OSMR: variants seen among roughly 807,000 people sequenced by gnomAD.
OSMR encodes the protein oncostatin-M-specific receptor subunit beta.
A neutral mutation model predicts 99.9 loss-of-function variants in OSMR; 81 were observed. That is an observed-to-expected ratio of 0.81 (90% confidence interval 0.68 to 0.97). The LOEUF (loss-of-function observed/expected upper bound fraction) is 0.97, where lower values mean the gene tolerates loss of function less well. Ranked by LOEUF, OSMR falls within the 50% of genes least tolerant of loss-of-function variation. The probability of loss-of-function intolerance (pLI) is 0.00; values close to 1 mark genes in which losing one functional copy is unlikely to be tolerated. For synonymous variants in OSMR, 406 were observed against 410.4 expected, an observed-to-expected ratio of 0.99 and a Z score of 0.13; for missense variants, 1,099 against 1,153.4, an observed-to-expected ratio of 0.95 and a Z score of 0.68.
chr5:38,885,829 T>C, intron 6 of OSMR: 1 of 963,794 alleles, frequency 1.0e-6, no homozygotes, highest in Non-Finnish European at 1.2e-6. Context: ...GGGGAGTCAG[T>C]GATTCATGTT....
chr5:38,901,379 G>A (rs1016725596), intron 7 of OSMR, among the ~76,000 whole-genome samples: 1 of 152,228 alleles, frequency 6.6e-6, no homozygotes, highest in Non-Finnish European at 1.5e-5. Flanking sequence ...TGGGATCTGG[G>A]TGGACATGAT....
Position 38,923,122 on chromosome 5 carries a change from T to G in OSMR, c.1766-28T>G, listed in dbSNP as rs200396199. 16 of 1,612,330 alleles carry G rather than the reference T, an allele frequency of 9.9e-6. No homozygotes were observed. The East Asian group carries it at 3.6e-4, about 36-fold the overall frequency. On this transcript the variant is annotated intron_variant, in intron 12 of 17. Transcript: ENST00000274276. ...GAATTAGGAAACATCATTCTGTTATTAAAAATCTGTTGACTTTTTTTCCCT... is the reference window on the plus strand; with the variant it reads ...GAATTAGGAAACATCATTCTGTTATGAAAAATCTGTTGACTTTTTTTCCCT...
intron 9 of OSMR, among the ~76,000 whole-genome samples, chr5:38,908,921 C>T (rs1463908488): frequency 6.6e-6 from 1 of 152,158 alleles, no homozygotes; most frequent in Non-Finnish European, 1.5e-5. Context: ...TGGTTCTTAA[C>T]CTGTTCAAAA....
chr5:38,849,903 A>AT (rs1312134018), intron 1 of OSMR, among the ~76,000 whole-genome samples: 1 of 152,208 alleles, frequency 6.6e-6, no homozygotes, highest in African/African-American at 2.4e-5. Context: ...CAATTAATAA[A>AT]TGCATGTACG....
rs773235731 is a variant in OSMR, at chr5:38,934,326, G to A, written c.*882G>A. On this transcript the variant is annotated 3_prime_UTR_variant, in exon 18 of 18. Transcript: ENST00000274276. ...TTAGCATCCTTTGGACTCTGCAGTA[G>A]GTTGTCTGGGTCAAGATAACTCTCA... 4.6e-5 allele frequency: 7 copies of A among 152,444 alleles called. No individual in the cohort carries two copies. Among genetic ancestry groups the A allele is most frequent in the Non-Finnish European group, 7.3e-5 (5 of 68,036 alleles). The allele number at this position is 152,444 out of a possible 1,614,324, so 9.4% of individuals were successfully genotyped here.
chr5:38,881,698 G>A lies in OSMR; in HGVS notation c.352G>A (p.Val118Met), dbSNP rs1331058313. 1 of 1,614,088 alleles carries A rather than the reference G, an allele frequency of 6.2e-7. No homozygotes were observed. The highest frequency in any genetic ancestry group is 8.5e-7 in the Non-Finnish European group (1 of 1,180,038). The change falls in exon 4 of 18, where the codon GTG becomes ATG. Residue 118 changes from valine (V) to methionine (M), a missense_variant. Val to Met is a conservative substitution (Grantham distance 21). Transcript: ENST00000274276. ...ATHFVRIKSLVDDAKFPEPNF... is the reference protein window; with the variant it reads ...ATHFVRIKSLMDDAKFPEPNF... Reference sequence around the variant, plus strand: ...ACACTTTGTAAGAATAAAGAGTTTGGTGGACGATGCCAAGTTCCCTGAGCC... The same window carrying A: ...ACACTTTGTAAGAATAAAGAGTTTGATGGACGATGCCAAGTTCCCTGAGCC...
chr5:38,921,373 G>A, intron 11 of OSMR: 1 of 441,580 alleles, frequency 2.3e-6, no homozygotes, highest in Non-Finnish European at 3.0e-6. Flanking sequence ...GCTGAAGTCT[G>A]GTTGGGCTTC....
At chr5:38,909,374 G>A (rs1206684454) in intron 9 of OSMR, among the ~76,000 whole-genome samples, 5 of 152,132 alleles carry the variant, frequency 3.3e-5, no homozygotes, top group Admixed American at 2.6e-4. Context: ...GAGAACTCCT[G>A]TGAGGTACTA....
At chr5:38,886,349 A>T in intron 7 of OSMR, 159 bp downstream of exon 7, 1 of 1,461,492 alleles carries the variant, frequency 6.8e-7, no homozygotes, top group Non-Finnish European at 9.0e-7. Flanking sequence ...CTCCTCATGG[A>T]TGCACGCATC....
Position 38,881,578 on chromosome 5 carries a change from T to C in OSMR, c.247-15T>C. ...GATGGCTATGTGTCTCCAATTGTTT[T>C]CTCTTTGCTTTTAGGGGAATTACAG... On this transcript the variant is annotated splice_polypyrimidine_tract_variant and intron_variant, in intron 3 of 17. Coordinates refer to ENST00000274276, the MANE Select transcript of OSMR (RefSeq NM_003999.3). 1 of 1,614,202 alleles carries C rather than the reference T, an allele frequency of 6.2e-7. No homozygotes were observed. The highest frequency in any genetic ancestry group is 1.3e-5 in the African/African-American group (1 of 75,068).
intron 11 of OSMR, 46 bp downstream of exon 11, chr5:38,919,108 G>T: frequency 6.2e-7 from 1 of 1,601,754 alleles, no homozygotes; most frequent in Non-Finnish European, 8.5e-7. Context: ...CTAGGAAAAT[G>T]TTGATGACGT....
At chr5:38,863,071 G>A (rs568770270) in intron 1 of OSMR, among the ~76,000 whole-genome samples, 4 of 151,916 alleles carry the variant, frequency 2.6e-5, no homozygotes, top group South Asian at 2.1e-4. Flanking sequence ...GGCTGAGGCA[G>A]GAGAATCAGG....
intron 9 of OSMR, among the ~76,000 whole-genome samples, chr5:38,911,114 GAGATGCAAAAAACTATACAAA>G (rs1745548236): frequency 6.6e-6 from 1 of 152,092 alleles, no homozygotes; most frequent in Non-Finnish European, 1.5e-5. Flanking sequence ...GAAGGAAATT[GAGATGCAAAAAACTATACAAA>G]AGATCAACGA....
downstream of OSMR, chr5:38,940,130 T>TAAA (rs1554057737): frequency 1.5e-4 from 13 of 86,418 alleles, no homozygotes; most frequent in African/African-American, 6.9e-4. Context: ...AAAGTAACAG[T>TAAA]AAAAAAAAAA....
At chr5:38,846,585 A>C (rs1238393883) in intron 1 of OSMR, among the ~76,000 whole-genome samples, 198 bp downstream of exon 1, 1 of 150,764 alleles carries the variant, frequency 6.6e-6, no homozygotes, top group Non-Finnish European at 1.5e-5. Flanking sequence ...TGCTTCCCCT[A>C]CCTCTCCTCT....
Position 38,916,019 on chromosome 5 carries a change from G to A in OSMR, c.1286-1527G>A, listed in dbSNP as rs138608651. Among the ~76,000 whole-genome samples the A allele has an allele frequency of 4.2e-3, 639 of 152,096 alleles. 5 individuals are homozygous for A. Among genetic ancestry groups the A allele is most frequent in the African/African-American group, 0.015 (606 of 41,496 alleles). On this transcript the variant is annotated intron_variant, in intron 9 of 17. Coordinates refer to ENST00000274276, the MANE Select transcript of OSMR (RefSeq NM_003999.3). ...TTATGAATGTTTTAAATTCTCTTTT[G>A]ACTACTTCTTGTTGTACTATTCTTG...
At chr5:38,861,266 G>GACCTTCC (rs1554047562) in intron 1 of OSMR, among the ~76,000 whole-genome samples, 2 of 151,898 alleles carry the variant, frequency 1.3e-5, no homozygotes, top group African/African-American at 4.9e-5. Context: ...AGGACCCTGC[G>GACCTTCC]GGCCTTCCGC....
At chr5:38,927,226 A>G (rs1746512010) in intron 15 of OSMR, among the ~76,000 whole-genome samples, 1 of 152,022 alleles carries the variant, frequency 6.6e-6, no homozygotes, top group African/African-American at 2.4e-5. Flanking sequence ...TGGTGGATAT[A>G]CCATTCTGGG....
At chr5:38,906,127 T>A (rs1020696723) in intron 9 of OSMR, among the ~76,000 whole-genome samples, 7 of 152,028 alleles carry the variant, frequency 4.6e-5, no homozygotes, top group African/African-American at 1.7e-4. Context: ...TTTTCCTCAG[T>A]GTGTTTTAGA....
Sources: allele counts gnomAD v4.1 joint callset (sites outside exome capture counted in the v4.1 genomes callset), GRCh38; gene constraint gnomAD v4.1.1; transcripts MANE v1.5; gene names NCBI Gene and HGNC (gene_info 2026-07-23, HGNC 2026-07-21).